Variants in TCF20 observed in about 807,000 individuals in gnomAD.
The protein encoded by TCF20 is SPRE-binding protein.
In TCF20, 3 loss-of-function variants were observed where a neutral mutation model predicts 148.6. The observed-to-expected ratio is 0.02, with a 90% CI of 0.01 to 0.05. The LOEUF (loss-of-function observed/expected upper bound fraction) is 0.05, where lower values mean the gene tolerates loss of function less well. Among genes scored for constraint, TCF20 ranks in the 10% least tolerant of loss-of-function variants. The pLI is 1.00. For missense variants in TCF20, 2,350 were observed against 2,429.3 expected (o/e 0.97, Z 0.69); for synonymous variants, 1,049 against 909.5 (o/e 1.15, Z -2.76).
chr22:42,172,667 A>G (rs1235019655), intron 3 of TCF20, among the ~76,000 whole-genome samples: 4 of 152,226 alleles, frequency 2.6e-5, no homozygotes, highest in Admixed American at 1.3e-4. Flanking sequence ...AGATACCCAC[A>G]TGCATCCACA....
chr22:42,187,638 C>T (rs1349240687), intron 2 of TCF20, among the ~76,000 whole-genome samples: 4 of 152,304 alleles, frequency 2.6e-5, no homozygotes, highest in East Asian at 3.9e-4. Flanking sequence ...ATTTCCCTTC[C>T]GATGTCTTTG....
intron 1 of TCF20, among the ~76,000 whole-genome samples, chr22:42,223,174 T>G (rs1922538075): frequency 6.6e-6 from 1 of 152,170 alleles, no homozygotes; most frequent in Non-Finnish European, 1.5e-5. Flanking sequence ...TAATTGCCAT[T>G]TATTTAGCAA....
In TCF20 at chr22:42,317,023, G is replaced by A. The variant is rs1044671585; in HGVS notation, c.-37+26456C>T. ...CTGCCAAGTGGACTCTGGCATGGCC[G>A]TAAGGCATCTTCAATGGTCCCATGT... On this transcript the variant is annotated intron_variant, in intron 1 of 1. Coordinates refer to the TCF20 transcript ENST00000515426. The surrounding 1 kb of genome is among the most constrained non-coding windows in gnomAD (Gnocchi z 4.2). 3.9e-5 allele frequency among the ~76,000 whole-genome samples: 6 copies of A among 152,060 alleles called. No individual in the cohort carries two copies. Among genetic ancestry groups the A allele is most frequent in the Admixed American group, 1.3e-4 (2 of 15,286 alleles).
intron 3 of TCF20, among the ~76,000 whole-genome samples, chr22:42,174,555 T>C (rs188248768): frequency 6.6e-6 from 1 of 152,142 alleles, no homozygotes; most frequent in Non-Finnish European, 1.5e-5. Flanking sequence ...GTATTCCCAA[T>C]ATAAAACTAA....
chr22:42,271,349 T>G (rs1028136952), upstream of TCF20, among the ~76,000 whole-genome samples: 1 of 152,242 alleles, frequency 6.6e-6, no homozygotes, highest in African/African-American at 2.4e-5. Context: ...ATTAAGAAGC[T>G]GCAATGCCAG....
Position 42,301,592 on chromosome 22 carries a change from T to C in TCF20, c.-37+41887A>G, listed in dbSNP as rs554303508. Among the ~76,000 whole-genome samples, 4 of 152,334 alleles carry C rather than the reference T, an allele frequency of 2.6e-5. No individual in the cohort carries two copies. The East Asian group carries it at 7.7e-4, about 29-fold the overall frequency. ...AAGTGATTCGACAGGCGGAGGTGTC[T>C]GCAAGAGCCATGCCAAAGGTGACAG... On this transcript the variant is annotated intron_variant, in intron 1 of 1. Transcript: ENST00000515426.
In TCF20 at chr22:42,168,712, G is replaced by C. The variant is rs115095004; in HGVS notation, c.5824C>G (p.Pro1942Ala). 3.9e-4 allele frequency: 624 copies of C among 1,611,374 alleles called. 2 individuals are homozygous for C. The highest frequency in any genetic ancestry group is 8.5e-4 in the African/African-American group (64 of 74,964). ...HKPPLPCPLP[P>A]LQNKTAKGSL... The stretch of plus-strand genomic sequence containing the variant: ...CCTTTCGCGGTCTTGTTCTGCAAGG[G>C]GGGGAGAGGGCACGGAAGGGGAGGC... Residue 1942 changes from proline (P) to alanine (A), a missense_variant, in exon 5 of 6, where the codon CCC becomes GCC. By Grantham distance (27) the Pro-to-Ala change is conservative. This residue lies in a region of TCF20 where 67 missense variants were observed against 60.8 expected (regional missense o/e 1.10). Coordinates refer to ENST00000677622, the MANE Select transcript of TCF20 (RefSeq NM_001378418.1).
In TCF20 at chr22:42,169,879, C is replaced by G. The variant is rs762255573; in HGVS notation, c.5767G>C (p.Glu1923Gln). 7.4e-5 allele frequency: 119 copies of G among 1,613,420 alleles called. No individual in the cohort carries two copies. The highest frequency in any genetic ancestry group is 1.0e-4 in the Non-Finnish European group (118 of 1,180,004). Reference sequence around the variant, plus strand: ...TTAGGGCACCTCACCGAGAAGTTCTCCTCATGTAGCAAACAATCTGGAAGA... The same window carrying G: ...TTAGGGCACCTCACCGAGAAGTTCTGCTCATGTAGCAAACAATCTGGAAGA... ...AIDADCLLHEENFSVRCPKHK... is the reference protein window; with the variant it reads ...AIDADCLLHEQNFSVRCPKHK... Residue 1923 changes from glutamate (E) to glutamine (Q), a missense_variant, in exon 4 of 6, where the codon GAG becomes CAG. Glu to Gln is a conservative substitution (Grantham distance 29). Around this residue, in one of 7 missense-constraint regions of TCF20, gnomAD observed 67 missense variants for 60.8 expected, o/e 1.10. Transcript: ENST00000677622.
At chr22:42,334,209 G>A (rs774165921) in intron 1 of TCF20, among the ~76,000 whole-genome samples, 103 of 152,322 alleles carry the variant, frequency 6.8e-4, no homozygotes, top group Non-Finnish European at 1.1e-3. Flanking sequence ...TGTAGGCTCA[G>A]CTGTCCTCAC....
At position 42,209,672 on chromosome 22, in the gene TCF20, C is replaced by G. The variant is rs763222374; in HGVS notation, c.5634G>C (p.Ala1878=). 1 of 1,609,214 alleles carries G rather than the reference C, an allele frequency of 6.2e-7. No homozygotes were observed. Among genetic ancestry groups the G allele is most frequent in the South Asian group, 1.1e-5 (1 of 90,204 alleles). Residue 1878 remains alanine (A), a synonymous_variant, in exon 2 of 6, where the codon GCG becomes GCC. Transcript: ENST00000677622. ...TCACCATCTCTCTGGCTATTTCCAGCGCTTCCTGCAGGCCATAGAGCCTGC... is the reference window on the plus strand; with the variant it reads ...TCACCATCTCTCTGGCTATTTCCAGGGCTTCCTGCAGGCCATAGAGCCTGC... ...VCGRLYGLQE[A]LEIAREMKCS... is the part of the protein sequence containing the mutation.
intron 3 of TCF20, among the ~76,000 whole-genome samples, 191 bp downstream of exon 3, chr22:42,179,418 G>GT (rs1430966245): frequency 6.7e-6 from 1 of 150,322 alleles, no homozygotes; most frequent in Admixed American, 6.7e-5. Context: ...CAGAATAGTG[G>GT]TTGCCAGGGA....
intron 1 of TCF20, among the ~76,000 whole-genome samples, chr22:42,325,138 G>A (rs1244432051): frequency 2.6e-5 from 4 of 152,214 alleles, no homozygotes; most frequent in Non-Finnish European, 4.4e-5. Context: ...CAGGCTTCTG[G>A]GCCAGCGCCC....
At chr22:42,308,373 T>C (rs1232289646) in intron 1 of TCF20, among the ~76,000 whole-genome samples, 2 of 152,118 alleles carry the variant, frequency 1.3e-5, no homozygotes, top group African/African-American at 2.4e-5. Flanking sequence ...GACAGTAACA[T>C]GTGACTCAGA....
chr22:42,323,899 G>A (rs1209429385), intron 1 of TCF20, among the ~76,000 whole-genome samples: 2 of 96,188 alleles, frequency 2.1e-5, no homozygotes, highest in African/African-American at 3.4e-5. Flanking sequence ...GGTTATGGTG[G>A]TGGAGGTGGT....
At position 42,215,219 on chromosome 22, in the gene TCF20, C is replaced by A. The variant is rs760777242; in HGVS notation, c.87G>T (p.Glu29Asp). 6.2e-7 allele frequency: 1 copy of A among 1,614,214 alleles called. No homozygotes were observed. Among genetic ancestry groups the A allele is most frequent in the South Asian group, 1.1e-5 (1 of 91,086 alleles). ...ACATCTGGGCCTGACGAGGGCTGAA[C>A]TCTTCTAGCCGGGATGAGCCGTGTA... The part of the protein sequence containing the change: ...QEVHGSSRLE[E>D]FSPRQAQMFQ... The change falls in exon 2 of 6, where the codon GAG becomes GAT. Residue 29 changes from glutamate to aspartate, a missense_variant. Around this residue, in one of 7 missense-constraint regions of TCF20, gnomAD observed 1,641 missense variants for 1,662.6 expected, o/e 0.99. Coordinates refer to ENST00000677622, the MANE Select transcript of TCF20 (RefSeq NM_001378418.1).
At chr22:42,200,319 T>C (rs1937912882) in intron 2 of TCF20, among the ~76,000 whole-genome samples, 1 of 152,104 alleles carries the variant, frequency 6.6e-6, no homozygotes, top group South Asian at 2.1e-4. Flanking sequence ...CTCCTCACTT[T>C]CCCAAACCTG....
chr22:42,339,453 C>G (rs1250864416), intron 1 of TCF20, among the ~76,000 whole-genome samples: 1 of 152,172 alleles, frequency 6.6e-6, no homozygotes, highest in Non-Finnish European at 1.5e-5. Flanking sequence ...GATCTGGGGC[C>G]ATAGAGAAGC....
chr22:42,290,026 C>T lies in TCF20; in HGVS notation c.-37+53453G>A, dbSNP rs1031627464. On this transcript the variant is annotated intron_variant, in intron 1 of 1. Transcript: ENST00000515426. The surrounding 1 kb of genome is among the most constrained non-coding windows in gnomAD (Gnocchi z 4.2). ...TGTGCAGGCGGCCGGGGCGATGTTCCAGGAATATTAATTCTCCACAGCCGG... is the reference window on the plus strand; with the variant it reads ...TGTGCAGGCGGCCGGGGCGATGTTCTAGGAATATTAATTCTCCACAGCCGG... Among the ~76,000 whole-genome samples the T allele has an allele frequency of 1.3e-5, 2 of 152,230 alleles. No homozygotes were observed. The highest frequency in any genetic ancestry group is 2.9e-5 in the Non-Finnish European group (2 of 68,046).
intron 4 of TCF20, 42 bp downstream of exon 4, chr22:42,169,805 C>G (rs373865572): frequency 3.7e-6 from 6 of 1,610,114 alleles, no homozygotes; most frequent in African/African-American, 1.3e-5. Flanking sequence ...GAGCCACCCT[C>G]GATCCCATCC....
Sources: allele counts gnomAD v4.1 joint callset (sites outside exome capture counted in the v4.1 genomes callset), GRCh38; gene constraint gnomAD v4.1.1; regional missense constraint gnomAD v4.1.1; non-coding constraint Gnocchi (gnomAD v3.1); transcripts MANE v1.5; gene names NCBI Gene and HGNC (gene_info 2026-07-23, HGNC 2026-07-21).